Variants in TEX36 observed in about 807,000 individuals in gnomAD.
TEX36 encodes testis expressed 36, also known as testis-expressed protein 36.
Under a neutral mutation model 13.6 loss-of-function variants are expected in TEX36, and 12 were observed. The observed-to-expected ratio is 0.88, with a 90% CI of 0.56 to 1.43. The LOEUF (loss-of-function observed/expected upper bound fraction) is 1.43, where lower values mean the gene tolerates loss of function less well. Among genes scored for constraint, TEX36 ranks in the 40% most tolerant of loss-of-function variants. TEX36 has a pLI of 0.00. For missense variants in TEX36, 224 were observed against 228.3 expected (o/e 0.98, Z 0.12); for synonymous variants, 93 against 83.0 (o/e 1.12, Z -0.65).
chr10:125,638,632 C>G (rs1346807342), intron 3 of TEX36, among the ~76,000 whole-genome samples: 1 of 152,248 alleles, frequency 6.6e-6, no homozygotes, highest in Non-Finnish European at 1.5e-5. Context: ...ATCAAGCTAT[C>G]GCTACATCTT....
At chr10:125,628,137 T>C (rs1379542979) in intron 3 of TEX36, among the ~76,000 whole-genome samples, 3 of 152,294 alleles carry the variant, frequency 2.0e-5, no homozygotes, top group Middle Eastern at 3.4e-3. Flanking sequence ...AGGAAAAAAA[T>C]GCAAGTGTGG....
chr10:125,655,656 C>T (rs1846926400), downstream of TEX36: 29 of 1,186,452 alleles, frequency 2.4e-5, no homozygotes, highest in Admixed American at 2.5e-4. Flanking sequence ...AAAATGTGAC[C>T]GTATATTAAG....
At chr10:125,663,672 T>C (rs540705863) in intron 1 of TEX36, among the ~76,000 whole-genome samples, 2 of 152,244 alleles carry the variant, frequency 1.3e-5, no homozygotes, top group South Asian at 4.1e-4. Context: ...TGTTTTCATA[T>C]GCCTGTTTCC....
intron 3 of TEX36, among the ~76,000 whole-genome samples, chr10:125,638,070 CTCACTCCAGAGAAATTCCCCAA>C (rs1372176268): frequency 6.6e-6 from 1 of 152,074 alleles, no homozygotes; most frequent in Non-Finnish European, 1.5e-5. Flanking sequence ...ACCTCCCTCA[CTCACTCCAGAGAAATTCCCCAA>C]CTGCCTCCTT....
At chr10:125,593,975 G>A (rs1176743760) in intron 3 of TEX36, among the ~76,000 whole-genome samples, 1 of 152,254 alleles carries the variant, frequency 6.6e-6, no homozygotes, top group African/African-American at 2.4e-5. Flanking sequence ...TAGTGGAGGT[G>A]ACACAGGGGA....
At chr10:125,582,443 A>G (rs963504016) in intron 3 of TEX36, among the ~76,000 whole-genome samples, 2 of 152,190 alleles carry the variant, frequency 1.3e-5, no homozygotes, top group African/African-American at 4.8e-5. Context: ...CCCCAGTCTC[A>G]AGAGCATGGT....
At chr10:125,665,084 T>C (rs544097320) in intron 1 of TEX36, among the ~76,000 whole-genome samples, 21 of 152,128 alleles carry the variant, frequency 1.4e-4, no homozygotes, top group Non-Finnish European at 2.6e-4. Context: ...TTGGTTGTTG[T>C]TGTTGTTGTT....
intron 3 of TEX36, among the ~76,000 whole-genome samples, chr10:125,603,902 G>A (rs1370418725): frequency 1.3e-5 from 2 of 152,174 alleles, no homozygotes; most frequent in Non-Finnish European, 2.9e-5. Context: ...CCAGTGGGCA[G>A]GTTAGGCAAA....
At chr10:125,578,619 G>A (rs1025399762) in intron 3 of TEX36, among the ~76,000 whole-genome samples, 25 of 152,144 alleles carry the variant, frequency 1.6e-4, no homozygotes, top group African/African-American at 5.3e-4. Context: ...GGGGTACCTT[G>A]TCGTCCCTCC....
chr10:125,588,179 T>A (rs951734786), intron 3 of TEX36, among the ~76,000 whole-genome samples: 1 of 152,260 alleles, frequency 6.6e-6, no homozygotes, highest in Non-Finnish European at 1.5e-5. Flanking sequence ...ACATTTGTAA[T>A]TTGGATAGAA....
At chr10:125,682,148 T>C (rs1163911058) in intron 1 of TEX36, among the ~76,000 whole-genome samples, 2 of 151,950 alleles carry the variant, frequency 1.3e-5, no homozygotes, top group African/African-American at 4.8e-5. Flanking sequence ...AAATCAGAAA[T>C]GGGAAAGGCT....
At chr10:125,678,381 G>C (rs1847343123) in intron 1 of TEX36, among the ~76,000 whole-genome samples, 1 of 152,146 alleles carries the variant, frequency 6.6e-6, no homozygotes, top group Non-Finnish European at 1.5e-5. Context: ...TGAGATGCCA[G>C]GTAGGTCAGT....
At chr10:125,643,060 G>A (rs778348671) in intron 3 of TEX36, among the ~76,000 whole-genome samples, 1 of 152,184 alleles carries the variant, frequency 6.6e-6, no homozygotes, top group Non-Finnish European at 1.5e-5. Context: ...ATTTGACGAG[G>A]TTATTCATAG....
At chr10:125,646,456 C>G (rs1465632918) in intron 3 of TEX36, among the ~76,000 whole-genome samples, 1 of 152,244 alleles carries the variant, frequency 6.6e-6, no homozygotes, top group Non-Finnish European at 1.5e-5. Flanking sequence ...GTAGCCTTAA[C>G]TACATTTACA....
At chr10:125,677,105 C>A (rs556680106) in intron 1 of TEX36, among the ~76,000 whole-genome samples, 1 of 152,284 alleles carries the variant, frequency 6.6e-6, no homozygotes, top group East Asian at 1.9e-4. Context: ...ATGACTAATG[C>A]TTTTCCCTTG....
chr10:125,677,333 T>G (rs1847327765), intron 1 of TEX36, among the ~76,000 whole-genome samples: 1 of 152,218 alleles, frequency 6.6e-6, no homozygotes, highest in Non-Finnish European at 1.5e-5. Context: ...AGGATCCTGA[T>G]AACTTAAATG....
chr10:125,615,512 A>G (rs1368549843), intron 3 of TEX36, among the ~76,000 whole-genome samples: 1 of 152,092 alleles, frequency 6.6e-6, no homozygotes, highest in African/African-American at 2.4e-5. Flanking sequence ...AATTTTATCA[A>G]AGGCCTTTTC....
intron 1 of TEX36, among the ~76,000 whole-genome samples, chr10:125,664,749 T>C (rs1847097887): frequency 6.6e-6 from 1 of 152,212 alleles, no homozygotes; most frequent in South Asian, 2.1e-4. Context: ...CTCTTTTCTT[T>C]ATAAATTACC....
intron 3 of TEX36, among the ~76,000 whole-genome samples, chr10:125,656,410 C>T (rs939172371): frequency 6.6e-6 from 1 of 151,806 alleles, no homozygotes; most frequent in Admixed American, 6.6e-5. Context: ...GTGGACCCCA[C>T]CACGCCTGGC....
Sources: gnomAD v4.1 joint callset for allele counts (sites outside exome capture counted in the v4.1 genomes callset) on GRCh38, gnomAD v4.1.1 for gene constraint, MANE v1.5 for transcripts, NCBI Gene and HGNC (gene_info 2026-07-23, HGNC 2026-07-21) for gene names.